The following SHROOM2 variants were observed in gnomAD, a reference collection of about 807,000 sequenced individuals.
SHROOM2 encodes protein Shroom2.
In SHROOM2, 33 loss-of-function variants were observed where a neutral mutation model predicts 75.9. The observed-to-expected ratio is 0.43, with a 90% confidence interval of 0.33 to 0.58. SHROOM2 has a LOEUF of 0.58. Among genes scored for constraint, SHROOM2 ranks in the 20% least tolerant of loss-of-function variants. The pLI is 0.04. For synonymous variants in SHROOM2, 655 were observed against 663.6 expected (o/e 0.99, Z 0.20); for missense variants, 1,434 against 1,461.2 (o/e 0.98, Z 0.30).
intron 1 of SHROOM2, among the ~76,000 whole-genome samples, chrX:9,807,796 A>G (rs902771406): frequency 8.9e-6 from 1 of 112,172 alleles, no homozygotes; most frequent in Non-Finnish European, 1.9e-5. Flanking sequence ...CCTCCCTGAG[A>G]GCAGCCCTTC....
At chrX:9,885,566 G>A (rs1248525446) in intron 2 of SHROOM2, among the ~76,000 whole-genome samples, 1 of 111,570 alleles carries the variant, frequency 9.0e-6, no homozygotes, top group African/African-American at 3.3e-5. Flanking sequence ...ATATATATTA[G>A]TAAATTTTCA....
chrX:9,915,261 A>C (rs1461966760), intron 5 of SHROOM2, among the ~76,000 whole-genome samples: 1 of 111,540 alleles, frequency 9.0e-6, no homozygotes, highest in Non-Finnish European at 1.9e-5. Flanking sequence ...ATTTCCCTTC[A>C]GTCATATTTC....
intron 2 of SHROOM2, among the ~76,000 whole-genome samples, chrX:9,877,403 C>T (rs1409763324): frequency 9.0e-6 from 1 of 111,082 alleles, no homozygotes; most frequent in Non-Finnish European, 1.9e-5. Flanking sequence ...TCAGATCTGT[C>T]GGTTAGGTCA....
chrX:9,837,836 T>A (rs916663814), intron 1 of SHROOM2, among the ~76,000 whole-genome samples: 1 of 111,059 alleles, frequency 9.0e-6, no homozygotes, highest in Non-Finnish European at 1.9e-5. Flanking sequence ...GGCAGGTTCC[T>A]CACATCCTTC....
chrX:9,818,371 C>G (rs2083834215), intron 1 of SHROOM2: 1 of 248,464 alleles, frequency 4.0e-6, no homozygotes. Flanking sequence ...AAGATTCTTC[C>G]TCTGCCTCCA....
intron 6 of SHROOM2, among the ~76,000 whole-genome samples, chrX:9,934,270 G>A (rs1243157839): frequency 1.8e-5 from 2 of 111,709 alleles, no homozygotes; most frequent in Non-Finnish European, 3.8e-5. Context: ...TCCCATCGCC[G>A]CAGAAAATTC....
chrX:9,854,612 C>T (rs1296919133), intron 1 of SHROOM2, among the ~76,000 whole-genome samples: 5 of 112,339 alleles, frequency 4.5e-5, no homozygotes, highest in African/African-American at 9.7e-5. Flanking sequence ...TTACTCTTCA[C>T]GGTCCTGAGT....
intron 1 of SHROOM2, among the ~76,000 whole-genome samples, chrX:9,836,125 TGGCCCA>T (rs908920829): frequency 2.0e-4 from 22 of 112,294 alleles, no homozygotes; most frequent in African/African-American, 6.1e-4. Flanking sequence ...AGATCAGCCC[TGGCCCA>T]GGCCCAGGCC....
At chrX:9,795,181 A>G (rs1044596652) in intron 1 of SHROOM2, among the ~76,000 whole-genome samples, 2 of 108,331 alleles carry the variant, frequency 1.8e-5, no homozygotes, top group Non-Finnish European at 3.8e-5. Context: ...GGCTATTCAC[A>G]GGCACGGTTA....
At chrX:9,890,453 CA>C (rs1425436151) in intron 2 of SHROOM2, among the ~76,000 whole-genome samples, 1 of 113,492 alleles carries the variant, frequency 8.8e-6, no homozygotes, top group East Asian at 2.8e-4. Flanking sequence ...GGGTGGTGAA[CA>C]AAAATCTAAA....
At position 9,874,586 on chromosome X, in the gene SHROOM2, A is replaced by C. The variant is rs755989545; in HGVS notation, c.317+783A>C. 4 of 111,792 alleles carry C rather than the reference A, an allele frequency of 3.6e-5. No individual in the cohort carries two copies. The East Asian group carries it at 1.1e-3, about 31-fold the overall frequency. The allele number at this position is 111,792 out of a possible 1,213,427, so 9.2% of individuals were successfully genotyped here. On this transcript the variant is annotated intron_variant, in intron 2 of 9. Coordinates refer to ENST00000380913, the MANE Select transcript of SHROOM2 (RefSeq NM_001649.4). ...AAGATATCTTCCTTGTTTTGAAAAAACAAAAATTTTTTTTTCAAGTCTGGT... is the reference window on the plus strand; with the variant it reads ...AAGATATCTTCCTTGTTTTGAAAAACCAAAAATTTTTTTTTCAAGTCTGGT...
chrX:9,857,083 C>T (rs1377352894), intron 1 of SHROOM2, among the ~76,000 whole-genome samples: 1 of 112,170 alleles, frequency 8.9e-6, no homozygotes, highest in Non-Finnish European at 1.9e-5. Flanking sequence ...TTGAATGAAG[C>T]CCTGATAGAG....
chrX:9,889,189 T>C (rs1208765695), intron 2 of SHROOM2, among the ~76,000 whole-genome samples: 1 of 112,183 alleles, frequency 8.9e-6, no homozygotes. Context: ...TTCTCTTTGG[T>C]TCCTGGGAAA....
At chrX:9,891,715 C>T (rs1375461830) in intron 3 of SHROOM2, among the ~76,000 whole-genome samples, 1 of 110,016 alleles carries the variant, frequency 9.1e-6, no homozygotes, top group Non-Finnish European at 1.9e-5. Context: ...TATTTCTACA[C>T]GTTTGTGTGT....
At chrX:9,869,996 T>TGGCTTGAGCTCAGGTGTTAGAGACC (rs2084163101) in intron 1 of SHROOM2, among the ~76,000 whole-genome samples, 1 of 111,722 alleles carries the variant, frequency 9.0e-6, no homozygotes, top group African/African-American at 3.3e-5. Flanking sequence ...GGCAAGTGGA[T>TGGCTTGAGCTCAGGTGTTAGAGACC]GGCTTGAGCT....
At chrX:9,802,079 C>T (rs1359537594) in intron 1 of SHROOM2, among the ~76,000 whole-genome samples, 1 of 111,017 alleles carries the variant, frequency 9.0e-6, no homozygotes, top group Non-Finnish European at 1.9e-5. Flanking sequence ...TGTTGGACAG[C>T]TCCGTTTTAG....
Position 9,927,577 on chromosome X carries a change from G to A in SHROOM2, c.2892-4598G>A, listed in dbSNP as rs56095708. ...TTCACACACAAGGTCCTTTCACGGA[G>A]AACTTAACCATGGTGTCTTGAAAAA... On this transcript the variant is annotated intron_variant, in intron 5 of 9. Coordinates refer to ENST00000380913, the MANE Select transcript of SHROOM2 (RefSeq NM_001649.4). Among the ~76,000 whole-genome samples the A allele has an allele frequency of 7.1e-3, 789 of 111,163 alleles. 5 individuals carry two copies. The highest frequency in any genetic ancestry group is 0.011 in the Non-Finnish European group (575 of 53,049).
intron 1 of SHROOM2, among the ~76,000 whole-genome samples, chrX:9,836,114 C>T (rs2083942970): frequency 1.8e-5 from 2 of 112,380 alleles, no homozygotes; most frequent in Middle Eastern, 4.6e-3. Flanking sequence ...ACCCGGGCAC[C>T]AGATCAGCCC....
At chrX:9,822,535 G>A (rs2083858566) in intron 1 of SHROOM2, among the ~76,000 whole-genome samples, 1 of 111,909 alleles carries the variant, frequency 8.9e-6, no homozygotes, top group Admixed American at 9.4e-5. Flanking sequence ...TCCGCATCTG[G>A]TGCAGGGATG....
Sources: gnomAD v4.1 joint callset for allele counts (sites outside exome capture counted in the v4.1 genomes callset) on GRCh38, gnomAD v4.1.1 for gene constraint, MANE v1.5 for transcripts, NCBI Gene and HGNC (gene_info 2026-07-23, HGNC 2026-07-21) for gene names.